The following RSPH9 variants were observed in gnomAD, a reference collection of about 807,000 sequenced individuals.
RSPH9 encodes the protein radial spoke head protein 9 homolog.
A neutral mutation model predicts 27.0 loss-of-function variants in RSPH9; 27 were observed. The ratio of observed to expected loss-of-function variants is 1.00; its 90% CI spans 0.74 to 1.38. The LOEUF is 1.38. RSPH9 is among the 40% of genes most tolerant of loss of function. The pLI is 0.00. For missense variants in RSPH9, 347 were observed against 357.4 expected (o/e 0.97, Z 0.24); for synonymous variants, 145 against 147.7 (o/e 0.98, Z 0.13).
intron 4 of RSPH9, among the ~76,000 whole-genome samples, chr6:43,659,539 C>T (rs1222822789): frequency 2.7e-5 from 4 of 150,278 alleles, no homozygotes; most frequent in East Asian, 4.0e-4. Context: ...CCCGCCGCCA[C>T]GGCTGGCTAA....
At chr6:43,645,428 A>AG in intron 1 of RSPH9, 103 bp downstream of exon 1, 1 of 701,318 alleles carries the variant, frequency 1.4e-6, no homozygotes, top group Non-Finnish European at 2.2e-6. Context: ...CATGGGGCCA[A>AG]GGGAGGTGTG....
rs541936960 is a variant in RSPH9, at chr6:43,657,844, C to G, written c.670+1121C>G. Among the ~76,000 whole-genome samples the G allele has an allele frequency of 5.9e-5, 9 of 152,292 alleles. No individual in the cohort carries two copies. The South Asian group carries it at 1.9e-3, about 32-fold the overall frequency. ...AGTTATGAGAATTAAATGGACTACT[C>G]CTATACCACCCTGAATGTGCCTAGT... is the stretch of plus-strand genomic sequence containing the variant. On this transcript the variant is annotated intron_variant, in intron 4 of 4. Transcript: ENST00000372163.
rs1249961817 is a variant in RSPH9, at chr6:43,645,163, C to A, written c.65C>A (p.Pro22Gln). 1.9e-6 allele frequency: 3 copies of A among 1,613,498 alleles called. No individual in the cohort carries two copies. The African/African-American group carries it at 4.0e-5, about 22-fold the overall frequency. Residue 22 changes from proline to glutamine, a missense_variant, in exon 1 of 5, where the codon CCG (proline) becomes CAG (glutamine). Pro to Gln is a moderately conservative substitution (Grantham distance 76). Transcript: ENST00000372163. Reference sequence around the variant, plus strand: ...TCCGGCAGTGGGCAGGGCCTCAGCCCGGACCGTCGGGCCTCGCTGCTCACG... The same window carrying A: ...TCCGGCAGTGGGCAGGGCCTCAGCCAGGACCGTCGGGCCTCGCTGCTCACG... ...LASGSGQGLS[P>Q]DRRASLLTSL...
At chr6:43,658,027 C>T (rs1047173227) in intron 4 of RSPH9, among the ~76,000 whole-genome samples, 5 of 152,272 alleles carry the variant, frequency 3.3e-5, no homozygotes, top group East Asian at 3.9e-4. Context: ...CGGTGGCTCA[C>T]GCCTGTGATC....
intron 4 of RSPH9, among the ~76,000 whole-genome samples, chr6:43,662,389 C>T (rs867424077): frequency 3.4e-5 from 5 of 148,006 alleles, no homozygotes; most frequent in Admixed American, 2.7e-4. Flanking sequence ...TTTTTTGAGA[C>T]GGAGTCTTGC....
intron 4 of RSPH9, among the ~76,000 whole-genome samples, chr6:43,661,628 T>C (rs1203493432): frequency 8.4e-6 from 1 of 118,704 alleles, no homozygotes; most frequent in African/African-American, 3.2e-5. Flanking sequence ...GCCAATGTAC[T>C]CCAGCCTGGG....
Position 43,671,767 on chromosome 6 carries a change from G to A in RSPH9, c.*818G>A, listed in dbSNP as rs201063521. Reference sequence around the variant, plus strand: ...TCTGGAAGCACTGCTCTCTGTCAGTGATACAGCTTCCAAGGTGTTCTTGAG... The same window carrying A: ...TCTGGAAGCACTGCTCTCTGTCAGTAATACAGCTTCCAAGGTGTTCTTGAG... On this transcript the variant is annotated 3_prime_UTR_variant, in exon 5 of 5. Coordinates refer to ENST00000372163, the MANE Select transcript of RSPH9 (RefSeq NM_152732.5). The A allele has an allele frequency of 2.0e-5, 32 of 1,614,218 alleles. No homozygotes were observed. Among genetic ancestry groups the A allele is most frequent in the Non-Finnish European group, 2.6e-5 (31 of 1,180,032 alleles).
intron 2 of RSPH9, among the ~76,000 whole-genome samples, chr6:43,654,714 T>A (rs1771832066): frequency 6.6e-6 from 1 of 152,124 alleles, no homozygotes; most frequent in African/African-American, 2.4e-5. Flanking sequence ...TCCCAGCTAC[T>A]CAGGAGGCTG....
At chr6:43,652,361 GCTTTTTTTCACCTAATGATA>G in intron 2 of RSPH9, among the ~76,000 whole-genome samples, 1 of 150,040 alleles carries the variant, frequency 6.7e-6, no homozygotes, top group African/African-American at 2.4e-5. Context: ...TCTGAACCTT[GCTTTTTTTCACCTAATGATA>G]TATTTTGGAG....
intron 1 of RSPH9, among the ~76,000 whole-genome samples, chr6:43,648,963 C>A (rs889373258): frequency 2.6e-5 from 4 of 152,066 alleles, no homozygotes; most frequent in Non-Finnish European, 5.9e-5. Flanking sequence ...ATGGCCTTCT[C>A]CCAAGCAGTT....
At chr6:43,658,588 T>A (rs534429841) in intron 4 of RSPH9, among the ~76,000 whole-genome samples, 1 of 152,014 alleles carries the variant, frequency 6.6e-6, no homozygotes, top group Non-Finnish European at 1.5e-5. Context: ...TCGCCTGGGC[T>A]GGAGTGCAGT....
At chr6:43,646,146 A>AT (rs1399611775) in intron 1 of RSPH9, among the ~76,000 whole-genome samples, 1 of 147,118 alleles carries the variant, frequency 6.8e-6, no homozygotes, top group African/African-American at 2.5e-5. Flanking sequence ...TATTATTATT[A>AT]TTTTAGACGG....
intron 4 of RSPH9, chr6:43,666,364 C>A: frequency 7.5e-7 from 1 of 1,325,882 alleles, no homozygotes; most frequent in Non-Finnish European, 1.1e-6. Flanking sequence ...CCAGGACTGG[C>A]TGGAGGGATG....
chr6:43,671,135 T>C lies in RSPH9; in HGVS notation c.*186T>C. 1.5e-6 allele frequency: 1 copy of C among 677,986 alleles called. No individual in the cohort carries two copies. Among genetic ancestry groups the C allele is most frequent in the Admixed American group, 2.7e-5 (1 of 37,438 alleles). 42.0% of individuals were successfully genotyped at this position (677,986 alleles called of 1,614,324 possible). On this transcript the variant is annotated 3_prime_UTR_variant, in exon 5 of 5. Transcript: ENST00000372163. ...AAGTGGCAGAGGGGTTGGAATGTGCTAATGAAAGAGATTCTAGACAACGAT... is the reference window on the plus strand; with the variant it reads ...AAGTGGCAGAGGGGTTGGAATGTGCCAATGAAAGAGATTCTAGACAACGAT...
Position 43,655,537 on chromosome 6 carries a change from G to A in RSPH9, c.394-25G>A, listed in dbSNP as rs201907045. The A allele has an allele frequency of 2.3e-4, 369 of 1,614,032 alleles. 1 individual carries two copies. The African/African-American group carries it at 4.0e-3, about 17-fold the overall frequency. On this transcript the variant is annotated intron_variant, in intron 2 of 4. Coordinates refer to ENST00000372163, the MANE Select transcript of RSPH9 (RefSeq NM_152732.5). ...GTGCCTGGGCACAGTGCCCTGGCAG[G>A]GGGGCTCCTCTCCTGTCTCCTCAGG... is the stretch of plus-strand genomic sequence containing the variant.
In RSPH9 at chr6:43,671,530, A is replaced by G; in HGVS notation, c.*581A>G. The G allele has an allele frequency of 1.7e-6, 1 of 580,528 alleles. No homozygotes were observed. Among genetic ancestry groups the G allele is most frequent in the South Asian group, 2.0e-5 (1 of 50,340 alleles). The allele number at this position is 580,528 out of a possible 1,614,324, so 36.0% of individuals were successfully genotyped here. ...CAGCACTGAGCATGGCCTAAGCCCCATAGCAGCTGGCAAGGGACCCAACTG... is the reference window on the plus strand; with the variant it reads ...CAGCACTGAGCATGGCCTAAGCCCCGTAGCAGCTGGCAAGGGACCCAACTG... On this transcript the variant is annotated 3_prime_UTR_variant, in exon 5 of 5. Coordinates refer to ENST00000372163, the MANE Select transcript of RSPH9 (RefSeq NM_152732.5).
At position 43,655,672 on chromosome 6, in the gene RSPH9, T is replaced by C; in HGVS notation, c.504T>C (p.His168=). ...ALFKTPFGPT[H]VNRTFEGLSL... is the part of the protein sequence containing the mutation. Reference sequence around the variant, plus strand: ...TCAAGACCCCTTTTGGACCCACCCATGTCAATCGGACCTTTGAAGGTGAGT... The same window carrying C: ...TCAAGACCCCTTTTGGACCCACCCACGTCAATCGGACCTTTGAAGGTGAGT... Residue 168 remains histidine, a synonymous_variant, in exon 3 of 5, where the codon CAT becomes CAC. Transcript: ENST00000372163. 3 of 1,614,200 alleles carry C rather than the reference T, an allele frequency of 1.9e-6. No individual in the cohort carries two copies. Among genetic ancestry groups the C allele is most frequent in the Non-Finnish European group, 2.5e-6 (3 of 1,180,022 alleles).
chr6:43,653,095 T>C (rs111854436), intron 2 of RSPH9, among the ~76,000 whole-genome samples: 9,264 of 152,226 alleles, frequency 0.061, 958 homozygotes, highest in African/African-American at 0.21. Flanking sequence ...CTGGGATTTA[T>C]AGGCATGAGC....
chr6:43,659,591 C>T (rs560203446), intron 4 of RSPH9, among the ~76,000 whole-genome samples: 11 of 152,024 alleles, frequency 7.2e-5, no homozygotes, highest in Admixed American at 2.0e-4. Context: ...ACTGTGTTAG[C>T]CAGGGTGGTC....
Sources: gnomAD v4.1 joint callset for allele counts (sites outside exome capture counted in the v4.1 genomes callset) on GRCh38, gnomAD v4.1.1 for gene constraint, MANE v1.5 for transcripts, NCBI Gene and HGNC (gene_info 2026-07-23, HGNC 2026-07-21) for gene names.